Variants in TRAPPC9 observed in about 807,000 individuals in gnomAD.
TRAPPC9 encodes IKK2 binding protein.
TRAPPC9 carries 83 observed loss-of-function variants against 124.0 expected under a neutral mutation model. That is an observed-to-expected ratio of 0.67 (90% confidence interval 0.56 to 0.80). TRAPPC9 has a LOEUF of 0.80. TRAPPC9 is among the 30% of genes least tolerant of loss of function. The pLI is 0.00. For missense variants in TRAPPC9, 1,302 were observed against 1,508.3 expected (o/e 0.86, Z 2.27); for synonymous variants, 638 against 617.5 (o/e 1.03, Z -0.49).
At chr8:140,109,091 CAT>C (rs2060717802) in intron 17 of TRAPPC9, among the ~76,000 whole-genome samples, 1 of 152,068 alleles carries the variant, frequency 6.6e-6, no homozygotes, top group Non-Finnish European at 1.5e-5. Flanking sequence ...CCTCTAGGTA[CAT>C]GTTTGGATTT....
At chr8:140,204,938 T>C (rs1449596554) in intron 17 of TRAPPC9, among the ~76,000 whole-genome samples, 2 of 152,226 alleles carry the variant, frequency 1.3e-5, no homozygotes, top group East Asian at 1.9e-4. Flanking sequence ...TGAACGGAAT[T>C]TCATCAAAAT....
intron 17 of TRAPPC9, among the ~76,000 whole-genome samples, chr8:140,171,232 A>G (rs1416214123): frequency 6.6e-6 from 1 of 152,194 alleles, no homozygotes; most frequent in Non-Finnish European, 1.5e-5. Flanking sequence ...TAATATTCTT[A>G]TGCATAAACA....
Position 139,966,778 on chromosome 8 carries a change from A to G in TRAPPC9, c.2810+21948T>C, listed in dbSNP as rs58692331. Among the ~76,000 whole-genome samples, 701 of 152,344 alleles carry G rather than the reference A, an allele frequency of 4.6e-3. 12 individuals are homozygous for G. Among genetic ancestry groups the G allele is most frequent in the African/African-American group, 0.015 (639 of 41,572 alleles). ...CAACAGCCTCATTTACATGCTGAGT[A>G]CACACGTGCATCAATACATATCATG... On this transcript the variant is annotated intron_variant, in intron 19 of 22. Transcript: ENST00000438773.
chr8:139,752,839 ACCAT>A (rs556840716), intron 21 of TRAPPC9, among the ~76,000 whole-genome samples: 10 of 147,526 alleles, frequency 6.8e-5, no homozygotes, highest in African/African-American at 1.3e-4. Flanking sequence ...CTACCCATCT[ACCAT>A]CCATCCATCC....
At chr8:140,338,078 T>G (rs1276615206) in intron 9 of TRAPPC9, among the ~76,000 whole-genome samples, 1 of 152,194 alleles carries the variant, frequency 6.6e-6, no homozygotes, top group African/African-American at 2.4e-5. Flanking sequence ...CCCTGCCACT[T>G]AGAAGTTGCT....
At chr8:139,946,271 C>G (rs1297941702) in intron 19 of TRAPPC9, among the ~76,000 whole-genome samples, 1 of 152,208 alleles carries the variant, frequency 6.6e-6, no homozygotes, top group Non-Finnish European at 1.5e-5. Context: ...TTCACTGATT[C>G]CTCACTGTGG....
At chr8:140,417,450 C>T (rs1251123853) in intron 5 of TRAPPC9, among the ~76,000 whole-genome samples, 1 of 152,178 alleles carries the variant, frequency 6.6e-6, no homozygotes, top group Non-Finnish European at 1.5e-5. Flanking sequence ...GGCCAACAAA[C>T]ATACGAAAAA....
chr8:140,211,575 A>G (rs1456941180), intron 17 of TRAPPC9, among the ~76,000 whole-genome samples: 4 of 152,202 alleles, frequency 2.6e-5, no homozygotes, highest in Admixed American at 6.5e-5. Flanking sequence ...AAAAAATATA[A>G]AAGTATATAG....
chr8:139,964,434 T>C (rs1835564823), intron 19 of TRAPPC9, among the ~76,000 whole-genome samples: 2 of 151,928 alleles, frequency 1.3e-5, no homozygotes, highest in South Asian at 4.2e-4. Context: ...CTAAGAATCC[T>C]CCGCCTTGGA....
At chr8:140,190,338 A>C (rs1225003161) in intron 17 of TRAPPC9, among the ~76,000 whole-genome samples, 1 of 152,110 alleles carries the variant, frequency 6.6e-6, no homozygotes, top group African/African-American at 2.4e-5. Context: ...GGCGACTGTA[A>C]TCCCAGCTAC....
chr8:139,881,976 G>A (rs1428033203), intron 21 of TRAPPC9, among the ~76,000 whole-genome samples: 1 of 152,182 alleles, frequency 6.6e-6, no homozygotes, highest in Admixed American at 6.5e-5. Flanking sequence ...CAGGAAGGGG[G>A]TCTATGCACT....
chr8:140,283,031 A>G (rs1023073926), intron 14 of TRAPPC9, among the ~76,000 whole-genome samples: 4 of 151,924 alleles, frequency 2.6e-5, no homozygotes, highest in African/African-American at 9.7e-5. Context: ...TGAACCCAGG[A>G]GTTCAAGACC....
chr8:139,941,445 G>A (rs1295546869), intron 19 of TRAPPC9, among the ~76,000 whole-genome samples: 12 of 152,214 alleles, frequency 7.9e-5, no homozygotes, highest in Admixed American at 6.5e-5. Flanking sequence ...GCTCTCAGTT[G>A]CAAGACTAGA....
chr8:140,132,288 A>C (rs1270962848), intron 17 of TRAPPC9, among the ~76,000 whole-genome samples: 1 of 152,116 alleles, frequency 6.6e-6, no homozygotes, highest in African/African-American at 2.4e-5. Context: ...AAGTGTTTAT[A>C]CTCAGAAGAG....
At chr8:139,759,781 C>T (rs1022139798) in intron 21 of TRAPPC9, among the ~76,000 whole-genome samples, 11 of 152,186 alleles carry the variant, frequency 7.2e-5, no homozygotes, top group Admixed American at 7.2e-4. Flanking sequence ...CCCGCTCCTG[C>T]CCTCCCCCAG....
At chr8:140,289,208 T>C (rs1490468689) in intron 12 of TRAPPC9, among the ~76,000 whole-genome samples, 1 of 132,706 alleles carries the variant, frequency 7.5e-6, no homozygotes, top group African/African-American at 2.8e-5. Flanking sequence ...TGTGTGTGTG[T>C]GTGTGTGTTC....
intron 21 of TRAPPC9, among the ~76,000 whole-genome samples, chr8:139,831,227 C>A (rs1175201615): frequency 6.6e-6 from 1 of 152,172 alleles, no homozygotes; most frequent in Non-Finnish European, 1.5e-5. Context: ...GACAGCCGCC[C>A]ACACATTAGT....
At chr8:140,022,349 G>C (rs1006585289) in intron 18 of TRAPPC9, among the ~76,000 whole-genome samples, 1 of 152,152 alleles carries the variant, frequency 6.6e-6, no homozygotes, top group African/African-American at 2.4e-5. Flanking sequence ...GCAGGGAAAA[G>C]AACCACGGAA....
intron 18 of TRAPPC9, among the ~76,000 whole-genome samples, chr8:140,004,231 T>C (rs1358496529): frequency 1.3e-5 from 2 of 152,164 alleles, no homozygotes; most frequent in African/African-American, 2.4e-5. Flanking sequence ...GTGTGAAGTG[T>C]TGCGGGTAAT....
Sources: allele counts gnomAD v4.1 joint callset (sites outside exome capture counted in the v4.1 genomes callset), GRCh38; gene constraint gnomAD v4.1.1; transcripts MANE v1.5; gene names NCBI Gene and HGNC (gene_info 2026-07-23, HGNC 2026-07-21).